PIK3C2G: variants seen among roughly 807,000 people sequenced by gnomAD.
The protein encoded by PIK3C2G is phosphatidylinositol 3-kinase C2 domain-containing subunit gamma.
In PIK3C2G, 168 loss-of-function variants were observed where a neutral mutation model predicts 181.1. The observed-to-expected ratio is 0.93, with a 90% CI of 0.82 to 1.05. The LOEUF is 1.05. Among genes scored for constraint, PIK3C2G ranks in the 50% least tolerant of loss-of-function variants. The pLI is 0.00. For missense variants in PIK3C2G, 1,869 were observed against 1,732.8 expected, an observed-to-expected ratio of 1.08 and a Z score of -1.40; for synonymous variants, 573 against 592.2, an observed-to-expected ratio of 0.97 and a Z score of 0.47.
At chr12:18,275,776 A>T (rs1948960950) in intron 1 of PIK3C2G, among the ~76,000 whole-genome samples, 1 of 151,978 alleles carries the variant, frequency 6.6e-6, no homozygotes, top group Non-Finnish European at 1.5e-5. Flanking sequence ...CAATTCAAAG[A>T]CCTCCTCTTC....
chr12:18,723,169 T>C, the PIK3C2G span: 1 of 680,096 alleles, frequency 1.5e-6, no homozygotes, highest in African/African-American at 1.8e-5. Context: ...AAATATATTT[T>C]CTCAAAGATA....
intron 9 of PIK3C2G, among the ~76,000 whole-genome samples, chr12:18,340,985 G>A (rs1419567067): frequency 6.6e-6 from 1 of 152,124 alleles, no homozygotes; most frequent in African/African-American, 2.4e-5. Flanking sequence ...ATGAACCACT[G>A]CCAGAGGAGG....
chr12:18,695,004 C>G, the PIK3C2G span: 1 of 1,611,294 alleles, frequency 6.2e-7, no homozygotes, highest in Middle Eastern at 1.6e-4. Context: ...CAAAATATAT[C>G]CAGAACCACC....
intron 26 of PIK3C2G, among the ~76,000 whole-genome samples, chr12:18,554,169 A>G (rs1447769599): frequency 6.6e-6 from 1 of 152,030 alleles, no homozygotes; most frequent in Non-Finnish European, 1.5e-5. Flanking sequence ...AGATTAGAAC[A>G]AGGTTTATTT....
chr12:18,249,115 C>T (rs1013904968), intron 1 of PIK3C2G, among the ~76,000 whole-genome samples: 3 of 152,092 alleles, frequency 2.0e-5, no homozygotes, highest in Non-Finnish European at 2.9e-5. Context: ...TTGGACTGTA[C>T]GCTGTGCTAG....
At position 18,338,432 on chromosome 12, in the gene PIK3C2G, G is replaced by A. The variant is rs756781973; in HGVS notation, c.1279G>A (p.Val427Met). ...TGAATCTTGTTATCTACAGGAAAAC[G>A]TGTATAATATTATTGAAGAAGTTAA... is the stretch of plus-strand genomic sequence containing the variant. ...LKYLLKTQENVYNIIEEVKKI... is the reference protein window; with the variant it reads ...LKYLLKTQENMYNIIEEVKKI... The change falls in exon 9 of 33, where the codon GTG becomes ATG. Residue 427 changes from valine (V) to methionine (M), a missense_variant. By Grantham distance (21) the Val-to-Met change is conservative (BLOSUM62 1). Coordinates refer to ENST00000538779, the MANE Select transcript of PIK3C2G (RefSeq NM_001288772.2). 31 of 1,560,410 alleles carry A rather than the reference G, an allele frequency of 2.0e-5. No individual in the cohort carries two copies. Among genetic ancestry groups the A allele is most frequent in the Middle Eastern group, 1.7e-4 (1 of 5,900 alleles).
At chr12:18,386,238 C>G (rs545479221) in intron 14 of PIK3C2G, among the ~76,000 whole-genome samples, 1 of 152,310 alleles carries the variant, frequency 6.6e-6, no homozygotes, top group African/African-American at 2.4e-5. Flanking sequence ...TGGACATATT[C>G]TCCCTGGATG....
intron 24 of PIK3C2G, among the ~76,000 whole-genome samples, chr12:18,516,780 G>GT (rs796120805): frequency 1.7e-4 from 26 of 151,860 alleles, no homozygotes; most frequent in South Asian, 1.2e-3. Context: ...AGTTATTGTG[G>GT]TTTTTTCTTT....
the PIK3C2G span, among the ~76,000 whole-genome samples, chr12:18,692,607 G>A: frequency 1.3e-5 from 2 of 152,098 alleles, no homozygotes; most frequent in African/African-American, 2.4e-5. Flanking sequence ...TAAAAAGGAA[G>A]CAATATGAGG....
chr12:18,389,090 C>T (rs1049110650), intron 14 of PIK3C2G, among the ~76,000 whole-genome samples: 6 of 152,070 alleles, frequency 3.9e-5, no homozygotes, highest in African/African-American at 1.2e-4. Context: ...CGGTGGCTCA[C>T]GCCTGTAATC....
chr12:18,696,322 C>CTATATAGATATATAGATATATATATA, the PIK3C2G span: 1 of 253,072 alleles, frequency 4.0e-6, no homozygotes, highest in Non-Finnish European at 6.8e-6. Context: ...TAAAAAGCCA[C>CTATATAGATATATAGATATATATATA]TATATATATA....
intron 18 of PIK3C2G, among the ~76,000 whole-genome samples, chr12:18,437,344 G>T (rs61914554): frequency 0.24 from 36,315 of 151,690 alleles, 4,563 homozygotes; most frequent in Admixed American, 0.35. Context: ...GTTGCTTTTA[G>T]TGTAACAAAA....
At chr12:18,459,512 T>C (rs977731969) in intron 18 of PIK3C2G, among the ~76,000 whole-genome samples, 2 of 152,194 alleles carry the variant, frequency 1.3e-5, no homozygotes, top group Admixed American at 1.3e-4. Context: ...TATACATCAA[T>C]CCCTGTGAAT....
At position 18,420,671 on chromosome 12, in the gene PIK3C2G, C is replaced by T. The variant is rs186159521; in HGVS notation, c.2316-270C>T. Among the ~76,000 whole-genome samples the T allele has an allele frequency of 5.6e-3, 844 of 152,038 alleles. 5 individuals are homozygous for T. Among genetic ancestry groups the T allele is most frequent in the Middle Eastern group, 0.031 (9 of 294 alleles). ...AAAAGATTTTAGATTATCCATAATCCACATTTTATAGATAAGAAAGCCGGC... is the reference window on the plus strand; with the variant it reads ...AAAAGATTTTAGATTATCCATAATCTACATTTTATAGATAAGAAAGCCGGC... On this transcript the variant is annotated intron_variant, in intron 16 of 32. Coordinates refer to ENST00000538779, the MANE Select transcript of PIK3C2G (RefSeq NM_001288772.2).
chr12:18,598,436 G>C (rs965244961), intron 30 of PIK3C2G, among the ~76,000 whole-genome samples: 5 of 151,694 alleles, frequency 3.3e-5, no homozygotes, highest in African/African-American at 2.4e-5. Context: ...TGGGAAAACT[G>C]GCTAGCCATA....
intron 30 of PIK3C2G, among the ~76,000 whole-genome samples, chr12:18,598,048 A>T (rs1314348582): frequency 1.3e-5 from 2 of 152,302 alleles, no homozygotes; most frequent in African/African-American, 4.8e-5. Context: ...AGGAAGAATC[A>T]ATATCATGAA....
At chr12:18,313,829 C>T (rs915536923) in intron 5 of PIK3C2G, 133 bp from the exon 6 acceptor site, 14 of 564,112 alleles carry the variant, frequency 2.5e-5, no homozygotes, top group Admixed American at 1.9e-4. Context: ...CACACACACA[C>T]GCACACACAC....
rs1949273055 is a variant in PIK3C2G, at chr12:18,282,711, C to A, written c.630C>A (p.Gly210=). 6.2e-7 allele frequency: 1 copy of A among 1,612,496 alleles called. No homozygotes were observed. The highest frequency in any genetic ancestry group is 1.1e-5 in the South Asian group (1 of 90,822). ...IVEPSLMLLK[G]SLQPGMWEST... ...AACCATCTTTGATGCTTTTGAAAGG[C>A]TCTCTTCAACCCGGAATGTGGGAAA... Residue 210 remains glycine (G), a synonymous_variant, in exon 2 of 33, where the codon GGC becomes GGA. Transcript: ENST00000538779.
Position 18,391,253 on chromosome 12 carries a change from G to A in PIK3C2G, c.2126+1G>A. On this transcript the variant is annotated splice_donor_variant, in intron 15 of 32. Coordinates refer to ENST00000538779, the MANE Select transcript of PIK3C2G (RefSeq NM_001288772.2). LOFTEE classifies it high-confidence loss of function. ...TTTCACAGAAACAGACTCCCCTACT[G>A]TAAGTGACCTAGGTCTTGTGAATGA... 3 of 1,568,278 alleles carry A rather than the reference G, an allele frequency of 1.9e-6. No homozygotes were observed. The highest frequency in any genetic ancestry group is 2.6e-6 in the Non-Finnish European group (3 of 1,159,978).
Sources: allele counts gnomAD v4.1 joint callset (sites outside exome capture counted in the v4.1 genomes callset), GRCh38; gene constraint gnomAD v4.1.1; transcripts MANE v1.5; gene names NCBI Gene and HGNC (gene_info 2026-07-23, HGNC 2026-07-21).